Variants in PCDHA12 observed in about 807,000 individuals in gnomAD.
PCDHA12 encodes protocadherin alpha 12, also known as protocadherin alpha-12.
A neutral mutation model predicts 60.0 loss-of-function variants in PCDHA12; 44 were observed. That is an observed-to-expected ratio of 0.73 (90% CI 0.58 to 0.94). The LOEUF is 0.94. Ranked by LOEUF, PCDHA12 falls within the 40% of genes least tolerant of loss-of-function variation. The pLI is 0.00. For missense variants in PCDHA12, 1,276 were observed against 1,239.7 expected (o/e 1.03, Z -0.44); for synonymous variants, 569 against 553.0 (o/e 1.03, Z -0.40).
At chr5:140,902,473 T>A (rs2069483138) in intron 1 of PCDHA12, among the ~76,000 whole-genome samples, 1 of 152,208 alleles carries the variant, frequency 6.6e-6, no homozygotes, top group African/African-American at 2.4e-5. Context: ...CTTTGAGTTT[T>A]TGCCTGCTCA....
At chr5:140,884,181 A>G in intron 1 of PCDHA12, 1 of 1,613,332 alleles carries the variant, frequency 6.2e-7, no homozygotes, top group Non-Finnish European at 8.5e-7. Context: ...CGCCCTCTGG[A>G]CGAGGTGGAC....
At position 140,877,743 on chromosome 5, in the gene PCDHA12, G is replaced by C; in HGVS notation, c.2271G>C (p.Arg757Ser). The stretch of plus-strand genomic sequence containing the variant: ...CTTACTCGCAGCAGAGGAGGCAGAG[G>C]GTGTGCTCTGCAGAGAGCCCGCCCA... Reference protein sequence around the residue: ...SWSYSQQRRQRVCSAESPPKT... With the variant: ...SWSYSQQRRQSVCSAESPPKT... The change falls in exon 1 of 4, where the codon AGG (arginine) becomes AGC (serine). Residue 757 changes from arginine to serine, a missense_variant. Physicochemically the swap from Arg to Ser is moderately radical, Grantham distance 110. Transcript: ENST00000398631. 6.2e-7 allele frequency: 1 copy of C among 1,614,148 alleles called. No individual in the cohort carries two copies. Among genetic ancestry groups the C allele is most frequent in the Non-Finnish European group, 8.5e-7 (1 of 1,180,030 alleles).
intron 1 of PCDHA12, among the ~76,000 whole-genome samples, chr5:140,937,697 G>A (rs2091687536): frequency 6.6e-6 from 1 of 151,910 alleles, no homozygotes; most frequent in Non-Finnish European, 1.5e-5. Flanking sequence ...CGGATCACGA[G>A]GTCAGGAGAT....
chr5:140,911,223 G>A (rs1305979222), intron 1 of PCDHA12, among the ~76,000 whole-genome samples: 1 of 152,148 alleles, frequency 6.6e-6, no homozygotes, highest in Non-Finnish European at 1.5e-5. Flanking sequence ...TGAGAAAGCT[G>A]TTTCTTCTGG....
At chr5:140,955,552 C>T (rs1554221978) in intron 1 of PCDHA12, among the ~76,000 whole-genome samples, 2 of 152,092 alleles carry the variant, frequency 1.3e-5, no homozygotes, top group African/African-American at 4.8e-5. Flanking sequence ...TTGAGGCCTC[C>T]CCAGCCATAC....
Position 141,011,434 on chromosome 5 carries a change from C to T in PCDHA12, c.*1497C>T, listed in dbSNP as rs934032017. The T allele has an allele frequency of 6.5e-6, 1 of 153,726 alleles. No homozygotes were observed. Among genetic ancestry groups the T allele is most frequent in the Non-Finnish European group, 1.5e-5 (1 of 68,038 alleles). 9.5% of individuals were successfully genotyped at this position (153,726 alleles called of 1,614,324 possible). ...ATGTGAATGTTAATGCAACTATTAC[C>T]TAGAGTGAACTTTAAGCTTTATTGT... On this transcript the variant is annotated 3_prime_UTR_variant, in exon 4 of 4. Coordinates refer to ENST00000398631, the MANE Select transcript of PCDHA12 (RefSeq NM_018903.4).
rs192756440 is a variant in PCDHA12 at position 140,876,883 on chromosome 5, G to T, written c.1411G>T (p.Gly471Cys). The T allele has an allele frequency of 2.8e-5, 45 of 1,614,016 alleles. No homozygotes were observed. Among genetic ancestry groups the T allele is most frequent in the Non-Finnish European group, 3.6e-5 (43 of 1,180,010 alleles). ...TVFVKENNPP[G>C]CHIFTVSAWD... Reference sequence around the variant, plus strand: ...GTTCGTGAAGGAGAACAACCCGCCGGGCTGCCACATCTTCACGGTGTCGGC... The same window carrying T: ...GTTCGTGAAGGAGAACAACCCGCCGTGCTGCCACATCTTCACGGTGTCGGC... Residue 471 changes from glycine to cysteine, a missense_variant, in exon 1 of 4, where the codon GGC becomes TGC. Coordinates refer to ENST00000398631, the MANE Select transcript of PCDHA12 (RefSeq NM_018903.4).
At chr5:140,987,592 G>A (rs150671243) in intron 3 of PCDHA12, among the ~76,000 whole-genome samples, 29 of 152,290 alleles carry the variant, frequency 1.9e-4, no homozygotes, top group Admixed American at 1.6e-3. Context: ...GAGAATAGTG[G>A]TGTCTACCTT....
rs189155751 is a variant in PCDHA12 at position 140,943,432 on chromosome 5, T to C, written c.2368-35517T>C. 2.8e-3 allele frequency among the ~76,000 whole-genome samples: 419 copies of C among 152,174 alleles called. 2 individuals carry two copies. The highest frequency in any genetic ancestry group is 0.014 in the Middle Eastern group (4 of 294). Reference sequence around the variant, plus strand: ...ACTAGAGGCAAGGGCTTTAATATGATATAAAGGATAGAATTGATAAGGCTA... The same window carrying C: ...ACTAGAGGCAAGGGCTTTAATATGACATAAAGGATAGAATTGATAAGGCTA... On this transcript the variant is annotated intron_variant, in intron 1 of 3. Coordinates refer to ENST00000398631, the MANE Select transcript of PCDHA12 (RefSeq NM_018903.4).
chr5:140,983,101 C>T (rs1047738074), intron 3 of PCDHA12, among the ~76,000 whole-genome samples: 2 of 152,228 alleles, frequency 1.3e-5, no homozygotes, highest in African/African-American at 4.8e-5. Flanking sequence ...ATCTGCTTCT[C>T]TCTGCACATC....
At chr5:140,982,935 T>C (rs2097016879) in intron 3 of PCDHA12, among the ~76,000 whole-genome samples, 2 of 151,876 alleles carry the variant, frequency 1.3e-5, no homozygotes, top group African/African-American at 4.9e-5. Context: ...ACAAAGATCT[T>C]TTGGTTGAAG....
intron 2 of PCDHA12, among the ~76,000 whole-genome samples, chr5:140,981,993 G>A (rs533430599): frequency 6.6e-6 from 1 of 152,272 alleles, no homozygotes; most frequent in Admixed American, 6.5e-5. Flanking sequence ...TAGAAAATAA[G>A]GTTAAGAATT....
chr5:140,931,111 G>A (rs1584701423), intron 1 of PCDHA12, among the ~76,000 whole-genome samples: 2 of 152,116 alleles, frequency 1.3e-5, no homozygotes, highest in East Asian at 3.8e-4. Flanking sequence ...TAATAGGTAT[G>A]CACATCATTA....
At chr5:140,896,823 T>C (rs1248229696) in intron 1 of PCDHA12, among the ~76,000 whole-genome samples, 1 of 152,230 alleles carries the variant, frequency 6.6e-6, no homozygotes, top group Non-Finnish European at 1.5e-5. Context: ...ACTCTGTTCA[T>C]AGTTGTTTTT....
intron 1 of PCDHA12, among the ~76,000 whole-genome samples, chr5:140,906,909 G>A (rs1477484139): frequency 1.3e-5 from 2 of 152,174 alleles, no homozygotes; most frequent in Admixed American, 6.5e-5. Flanking sequence ...TTAAAGGTAG[G>A]AGGAGCCCAA....
At chr5:140,999,526 C>G (rs1429753507) in intron 3 of PCDHA12, among the ~76,000 whole-genome samples, 1 of 152,026 alleles carries the variant, frequency 6.6e-6, no homozygotes, top group Non-Finnish European at 1.5e-5. Context: ...TTTGTTACCC[C>G]CTGGATATGA....
chr5:140,889,509 C>T (rs2062255316), intron 1 of PCDHA12, among the ~76,000 whole-genome samples: 2 of 152,026 alleles, frequency 1.3e-5, no homozygotes, highest in Admixed American at 6.6e-5. Flanking sequence ...ATTTCCCTTT[C>T]CATTCTTGAT....
At chr5:141,002,934 C>A (rs1318656602) in intron 3 of PCDHA12, among the ~76,000 whole-genome samples, 2 of 152,172 alleles carry the variant, frequency 1.3e-5, no homozygotes, top group Non-Finnish European at 2.9e-5. Flanking sequence ...CCTCCAACAC[C>A]CTCCAGCACA....
At chr5:140,986,738 G>T (rs1483741648) in intron 3 of PCDHA12, among the ~76,000 whole-genome samples, 1 of 152,168 alleles carries the variant, frequency 6.6e-6, no homozygotes, top group Admixed American at 6.5e-5. Flanking sequence ...AAGACCCCAG[G>T]GGATCTGGGA....
Sources: allele counts gnomAD v4.1 joint callset (sites outside exome capture counted in the v4.1 genomes callset), GRCh38; gene constraint gnomAD v4.1.1; transcripts MANE v1.5; gene names NCBI Gene and HGNC (gene_info 2026-07-23, HGNC 2026-07-21).